Variants in DOK6 observed in about 807,000 individuals in gnomAD.
The protein encoded by DOK6 is downstream of tyrosine kinase 6.
In DOK6, 22 loss-of-function variants were observed where a neutral mutation model predicts 44.0. The observed-to-expected ratio is 0.50, with a 90% CI of 0.36 to 0.71. The LOEUF (loss-of-function observed/expected upper bound fraction) is 0.71, where lower values mean the gene tolerates loss of function less well. Ranked by LOEUF, DOK6 falls within the 30% of genes least tolerant of loss-of-function variation. DOK6 has a pLI of 0.00. For missense variants in DOK6, 340 were observed against 416.4 expected (o/e 0.82, Z 1.60); for synonymous variants, 166 against 145.5 (o/e 1.14, Z -1.01).
intron 1 of DOK6, among the ~76,000 whole-genome samples, chr18:69,481,735 C>T (rs1011380633): frequency 7.2e-5 from 11 of 152,104 alleles, no homozygotes; most frequent in Admixed American, 5.9e-4. Flanking sequence ...TGGGTATATA[C>T]CCAGTAATGG....
intron 1 of DOK6, among the ~76,000 whole-genome samples, chr18:69,417,388 G>T (rs1306931903): frequency 6.6e-6 from 1 of 152,082 alleles, no homozygotes; most frequent in Non-Finnish European, 1.5e-5. Context: ...TGCTGCAAAT[G>T]ACAGGAGTTC....
chr18:69,596,505 T>TA (rs1983744120), intron 2 of DOK6, among the ~76,000 whole-genome samples: 1 of 152,232 alleles, frequency 6.6e-6, no homozygotes, highest in Admixed American at 6.5e-5. Context: ...GCTCTTCACT[T>TA]ACAAAGGAAC....
At chr18:69,833,911 T>C (rs1266138848) in intron 7 of DOK6, among the ~76,000 whole-genome samples, 1 of 152,188 alleles carries the variant, frequency 6.6e-6, no homozygotes, top group Non-Finnish European at 1.5e-5. Flanking sequence ...AAATAACAAA[T>C]GCTGTCAAGG....
chr18:69,661,656 T>C (rs184321840), intron 3 of DOK6: 5 of 152,322 alleles, frequency 3.3e-5, no homozygotes, highest in Non-Finnish European at 1.5e-5. Context: ...CCAGATAATA[T>C]AAAAATGCAA....
At chr18:69,798,535 A>G (rs1980814073) in intron 7 of DOK6, among the ~76,000 whole-genome samples, 1 of 152,066 alleles carries the variant, frequency 6.6e-6, no homozygotes, top group Admixed American at 6.6e-5. Flanking sequence ...AATTTTTTTA[A>G]TTTTAATCAG....
intron 1 of DOK6, among the ~76,000 whole-genome samples, chr18:69,425,395 C>T (rs1205233185): frequency 6.6e-6 from 1 of 151,888 alleles, no homozygotes. Flanking sequence ...GGTTTCTGCT[C>T]CTCCCCCTTT....
At chr18:69,606,544 C>T (rs56133630) in intron 3 of DOK6, among the ~76,000 whole-genome samples, 4,181 of 151,758 alleles carry the variant, frequency 0.028, 184 homozygotes, top group African/African-American at 0.096. Flanking sequence ...CACTGTAAGT[C>T]CTACCCAGAG....
chr18:69,707,834 C>T (rs938401035), intron 5 of DOK6, among the ~76,000 whole-genome samples: 2 of 152,080 alleles, frequency 1.3e-5, no homozygotes, highest in East Asian at 1.9e-4. Flanking sequence ...TCTAGGCAAA[C>T]GGGCACCAAG....
chr18:69,677,715 A>T lies in DOK6; in HGVS notation c.290-19A>T, dbSNP rs776301094. The T allele has an allele frequency of 6.2e-7, 1 of 1,612,608 alleles. No individual in the cohort carries two copies. The highest frequency in any genetic ancestry group is 2.2e-5 in the East Asian group (1 of 44,808). ...CCTAGGGAGCATTGCTTGACTGGTG[A>T]TGTTGTGGTTACTTTCAGAGCTGGA... On this transcript the variant is annotated intron_variant, in intron 3 of 7. Coordinates refer to ENST00000382713, the MANE Select transcript of DOK6 (RefSeq NM_152721.6).
rs1982350065 is a variant in DOK6, at chr18:69,846,617, A to G, written c.*5234A>G. The G allele has an allele frequency of 6.6e-6, 1 of 152,196 alleles. No homozygotes were observed. The highest frequency in any genetic ancestry group is 1.5e-5 in the Non-Finnish European group (1 of 68,032). The allele number at this position is 152,196 out of a possible 1,614,324, so 9.4% of individuals were successfully genotyped here. A position where few individuals can be genotyped will look rare whatever the true frequency, so the allele number is the denominator to read the frequency against. On this transcript the variant is annotated 3_prime_UTR_variant, in exon 8 of 8. Coordinates refer to ENST00000382713, the MANE Select transcript of DOK6 (RefSeq NM_152721.6). ...TTGTCATCCAGTTCTTTGAAATTCAATCTTATCCTAAAGTGGTAGTCAAAG... is the reference window on the plus strand; with the variant it reads ...TTGTCATCCAGTTCTTTGAAATTCAGTCTTATCCTAAAGTGGTAGTCAAAG...
chr18:69,409,141 C>G (rs1407661743), intron 1 of DOK6, among the ~76,000 whole-genome samples: 1 of 152,116 alleles, frequency 6.6e-6, no homozygotes, highest in Non-Finnish European at 1.5e-5. Flanking sequence ...AGGGGCTTCC[C>G]CCTTCACTGG....
intron 6 of DOK6, among the ~76,000 whole-genome samples, chr18:69,754,100 G>A (rs1257733646): frequency 2.0e-5 from 3 of 152,036 alleles, no homozygotes; most frequent in African/African-American, 7.2e-5. Context: ...AGCATTTTAA[G>A]TTTTGTTTTT....
chr18:69,545,447 C>A (rs1337702470), intron 1 of DOK6, among the ~76,000 whole-genome samples: 1 of 147,902 alleles, frequency 6.8e-6, no homozygotes, highest in Non-Finnish European at 1.5e-5. Flanking sequence ...TGTGTATTTT[C>A]TCCTGGTATT....
intron 7 of DOK6, among the ~76,000 whole-genome samples, chr18:69,768,704 C>T (rs932657370): frequency 6.6e-6 from 1 of 151,056 alleles, no homozygotes; most frequent in Non-Finnish European, 1.5e-5. Context: ...CTTAAAATTA[C>T]ACTTGCCAGA....
chr18:69,514,156 C>G (rs1599167769), intron 1 of DOK6, among the ~76,000 whole-genome samples: 2 of 151,518 alleles, frequency 1.3e-5, no homozygotes, highest in African/African-American at 4.8e-5. Context: ...ATACTTGAAG[C>G]CTGTAAGTAT....
At chr18:69,483,585 T>G (rs1266942440) in intron 1 of DOK6, 1 of 152,196 alleles carries the variant, frequency 6.6e-6, no homozygotes, top group Non-Finnish European at 1.5e-5. Flanking sequence ...TCCTCTCTAG[T>G]CTTTGCTTTT....
intron 3 of DOK6, among the ~76,000 whole-genome samples, chr18:69,670,662 A>T (rs1303665153): frequency 3.9e-5 from 6 of 151,984 alleles, no homozygotes; most frequent in Non-Finnish European, 8.8e-5. Context: ...GGCACAAGCC[A>T]CCATGCCCAG....
chr18:69,626,418 T>C (rs149706672), intron 3 of DOK6, among the ~76,000 whole-genome samples: 47 of 152,344 alleles, frequency 3.1e-4, no homozygotes, highest in African/African-American at 9.4e-4. Flanking sequence ...CATTTCTTTA[T>C]TCATCAAGTC....
chr18:69,557,266 A>G (rs1158040736), intron 1 of DOK6, among the ~76,000 whole-genome samples: 1 of 152,154 alleles, frequency 6.6e-6, no homozygotes, highest in Admixed American at 6.6e-5. Context: ...TCTAACCAAA[A>G]TCCTACTTGA....
Sources: allele counts gnomAD v4.1 joint callset (sites outside exome capture counted in the v4.1 genomes callset), GRCh38; gene constraint gnomAD v4.1.1; transcripts MANE v1.5; gene names NCBI Gene and HGNC (gene_info 2026-07-23, HGNC 2026-07-21).